Variants in RNF138 observed in about 807,000 individuals in gnomAD.
RNF138 encodes the protein ring finger protein 138, also known as E3 ubiquitin-protein ligase RNF138.
A neutral mutation model predicts 31.0 loss-of-function variants in RNF138; 12 were observed. The observed-to-expected ratio is 0.39, with a 90% CI of 0.25 to 0.63. The LOEUF is 0.63. Ranked by LOEUF, RNF138 falls within the 20% of genes least tolerant of loss-of-function variation. RNF138 has a pLI of 0.52. For missense variants in RNF138, 192 were observed against 300.1 expected (o/e 0.64, Z 2.66); for synonymous variants, 105 against 99.5 (o/e 1.06, Z -0.33).
At position 32,094,328 on chromosome 18, in the gene RNF138, C is replaced by T. The variant is rs114274133; in HGVS notation, c.110+1442C>T. 1.3e-3 allele frequency among the ~76,000 whole-genome samples: 196 copies of T among 152,080 alleles called. 1 individual carries two copies. The highest frequency in any genetic ancestry group is 4.4e-3 in the African/African-American group (183 of 41,494). On this transcript the variant is annotated intron_variant, in intron 2 of 7. Transcript: ENST00000261593. ...ATACCAACTCTTCTCATTTTTTCCC[C>T]AATCTTAACTGCACTGTCTACTTTA...
intron 2 of RNF138, among the ~76,000 whole-genome samples, chr18:32,100,331 G>A (rs62093950): frequency 0.36 from 54,298 of 151,278 alleles, 11,698 homozygotes; most frequent in Admixed American, 0.52. Flanking sequence ...TTTCTCTGTT[G>A]CTCTGTTGCC....
At position 32,092,802 on chromosome 18, in the gene RNF138, C is replaced by A; in HGVS notation, c.26C>A (p.Thr9Lys). The A allele has an allele frequency of 6.3e-7, 1 of 1,594,470 alleles. No homozygotes were observed. The highest frequency in any genetic ancestry group is 1.7e-4 in the Middle Eastern group (1 of 6,046). The stretch of plus-strand genomic sequence containing the variant: ...ATGGCCGAGGACCTCTCTGCGGCCA[C>A]GTCCTACACCGAAGATGATTTCTAC... MAEDLSAA[T>K]SYTEDDFYCP... is the part of the protein sequence containing the mutation. The change falls in exon 2 of 8, where the codon ACG becomes AAG. Residue 9 changes from threonine to lysine, a missense_variant. This residue lies in a region of RNF138 where 52 missense variants were observed against 48.4 expected (regional missense o/e 1.07). Coordinates refer to ENST00000261593, the MANE Select transcript of RNF138 (RefSeq NM_016271.5).
At chr18:32,097,645 C>T (rs1009407053) in intron 2 of RNF138, among the ~76,000 whole-genome samples, 1 of 152,002 alleles carries the variant, frequency 6.6e-6, no homozygotes, top group Admixed American at 6.6e-5. Context: ...AGTAGCTGGA[C>T]TACAGGCATG....
intron 4 of RNF138, among the ~76,000 whole-genome samples, chr18:32,117,584 C>T (rs2040237856): frequency 6.6e-6 from 1 of 152,198 alleles, no homozygotes; most frequent in Admixed American, 6.5e-5. Context: ...GTGCTGGACA[C>T]ACTCCACGTT....
At chr18:32,125,489 G>A (rs1043550711) in intron 6 of RNF138, among the ~76,000 whole-genome samples, 6 of 152,298 alleles carry the variant, frequency 3.9e-5, no homozygotes, top group Non-Finnish European at 8.8e-5. Flanking sequence ...AGGAGAAACT[G>A]AGCTGGGAGA....
chr18:32,094,906 G>T (rs1277330381), intron 2 of RNF138, among the ~76,000 whole-genome samples: 3 of 152,136 alleles, frequency 2.0e-5, no homozygotes, highest in African/African-American at 7.2e-5. Flanking sequence ...GATTGCTCTA[G>T]TCCGCTTCCC....
chr18:32,116,804 C>T (rs1465379023), intron 4 of RNF138, among the ~76,000 whole-genome samples: 4 of 152,118 alleles, frequency 2.6e-5, no homozygotes, highest in African/African-American at 4.8e-5. Context: ...ATGCTGGTCT[C>T]GAACTCCTGA....
chr18:32,124,568 G>T, intron 5 of RNF138, 166 bp from the exon 6 acceptor site: 1 of 569,024 alleles, frequency 1.8e-6, no homozygotes. Context: ...GGGAACCTCT[G>T]TAATGCATCA....
intron 2 of RNF138, among the ~76,000 whole-genome samples, chr18:32,111,417 TA>T (rs2040127712): frequency 6.6e-6 from 1 of 152,216 alleles, no homozygotes; most frequent in South Asian, 2.1e-4. Context: ...ACACAGCTAC[TA>T]AATGGCAGAG....
intron 2 of RNF138, among the ~76,000 whole-genome samples, chr18:32,102,192 TTTC>T (rs912342880): frequency 2.1e-5 from 3 of 140,438 alleles, no homozygotes; most frequent in Non-Finnish European, 3.0e-5. Flanking sequence ...CTTCTTTTAG[TTTC>T]TTTTTTTTTT....
intron 2 of RNF138, among the ~76,000 whole-genome samples, chr18:32,094,169 A>G (rs1452758433): frequency 1.3e-5 from 2 of 151,684 alleles, no homozygotes; most frequent in Non-Finnish European, 2.9e-5. Flanking sequence ...GAATTGACCA[A>G]CCTTCTAAAT....
intron 4 of RNF138, among the ~76,000 whole-genome samples, chr18:32,114,144 C>T (rs912652903): frequency 1.3e-5 from 2 of 152,120 alleles, no homozygotes; most frequent in Non-Finnish European, 2.9e-5. Flanking sequence ...AGATTTTTCT[C>T]TTACTGATTT....
At chr18:32,124,510 C>T (rs2040355118) in intron 5 of RNF138, 2 of 429,062 alleles carry the variant, frequency 4.7e-6, no homozygotes, top group Non-Finnish European at 8.4e-6. Context: ...CCTAGAGGTG[C>T]CATGAAAAAA....
intron 2 of RNF138, among the ~76,000 whole-genome samples, chr18:32,093,744 G>A (rs1009258240): frequency 6.6e-6 from 1 of 152,194 alleles, no homozygotes; most frequent in Non-Finnish European, 1.5e-5. Flanking sequence ...ATATTTACAA[G>A]AACTTTGATA....
chr18:32,114,845 T>A (rs1284991034), intron 4 of RNF138, among the ~76,000 whole-genome samples: 1 of 152,022 alleles, frequency 6.6e-6, no homozygotes, highest in Admixed American at 6.6e-5. Context: ...TCATACTACA[T>A]TAGGCGTCTT....
chr18:32,103,538 G>T (rs1033192140), intron 2 of RNF138, among the ~76,000 whole-genome samples: 1 of 150,672 alleles, frequency 6.6e-6, no homozygotes. Context: ...GATATTCAAG[G>T]CACCAAGAAA....
At chr18:32,099,027 T>C (rs558578801) in intron 2 of RNF138, among the ~76,000 whole-genome samples, 1 of 151,866 alleles carries the variant, frequency 6.6e-6, no homozygotes, top group African/African-American at 2.4e-5. Context: ...ATTGGGAGCA[T>C]GATGAGTGGG....
chr18:32,093,281 C>G (rs963665275), intron 2 of RNF138, among the ~76,000 whole-genome samples: 1 of 152,118 alleles, frequency 6.6e-6, no homozygotes, highest in Non-Finnish European at 1.5e-5. Context: ...TTCTTAGCAA[C>G]CCGGGTGAAG....
At chr18:32,092,401 G>C (rs910512158) in intron 1 of RNF138, among the ~76,000 whole-genome samples, 166 bp downstream of exon 1, 1 of 152,076 alleles carries the variant, frequency 6.6e-6, no homozygotes, top group Non-Finnish European at 1.5e-5. Context: ...GCTGAGGGCG[G>C]GGCGCGAGCC....
Sources: allele counts gnomAD v4.1 joint callset (sites outside exome capture counted in the v4.1 genomes callset), GRCh38; gene constraint gnomAD v4.1.1; regional missense constraint gnomAD v4.1.1; transcripts MANE v1.5; gene names NCBI Gene and HGNC (gene_info 2026-07-23, HGNC 2026-07-21).